Variants in FGFR2 observed in about 807,000 individuals in gnomAD.
FGFR2 encodes the protein fibroblast growth factor receptor 2.
Under a neutral mutation model 95.9 loss-of-function variants are expected in FGFR2, and 19 were observed. The observed-to-expected ratio is 0.20, with a 90% CI of 0.14 to 0.29. The LOEUF is 0.29. Among genes scored for constraint, FGFR2 ranks in the 10% least tolerant of loss-of-function variants. FGFR2 has a pLI of 1.00. For synonymous variants in FGFR2, 392 were observed against 393.3 expected (o/e 1.00, Z 0.04); for missense variants, 707 against 1,056.9 (o/e 0.67, Z 4.59).
intron 5 of FGFR2, among the ~76,000 whole-genome samples, 177 bp downstream of exon 5, chr10:121,551,113 G>A (rs780916594): frequency 1.2e-4 from 18 of 151,992 alleles, no homozygotes; most frequent in Admixed American, 6.6e-4. Flanking sequence ...CCAGCTACTC[G>A]GGAGGCTGAG....
At chr10:121,523,838 CTCTT>C (rs1850908028) in intron 6 of FGFR2, among the ~76,000 whole-genome samples, 1 of 152,200 alleles carries the variant, frequency 6.6e-6, no homozygotes, top group Non-Finnish European at 1.5e-5. Flanking sequence ...AAACCAAGTC[CTCTT>C]TCTTAAACAT....
At chr10:121,533,384 T>C (rs1852356054) in intron 6 of FGFR2, among the ~76,000 whole-genome samples, 1 of 152,102 alleles carries the variant, frequency 6.6e-6, no homozygotes, top group East Asian at 1.9e-4. Context: ...AGCAAGACTC[T>C]GTCTCAAAAA....
At chr10:121,484,802 G>A (rs939598748) in intron 16 of FGFR2, among the ~76,000 whole-genome samples, 4 of 152,180 alleles carry the variant, frequency 2.6e-5, no homozygotes, top group African/African-American at 9.6e-5. Flanking sequence ...TTAATTCTCT[G>A]CACTAAAACA....
At chr10:121,498,430 A>C in intron 12 of FGFR2, 65 bp downstream of exon 12, 1 of 1,100,116 alleles carries the variant, frequency 9.1e-7, no homozygotes, top group Non-Finnish European at 1.4e-6. Flanking sequence ...AAGCCCAGCC[A>C]TTTCTAAAAT....
At chr10:121,540,071 A>G (rs1440222196) in intron 5 of FGFR2, among the ~76,000 whole-genome samples, 2 of 152,224 alleles carry the variant, frequency 1.3e-5, no homozygotes, top group African/African-American at 2.4e-5. Flanking sequence ...CTCATCACTG[A>G]CAGTCTTAGA....
chr10:121,498,424 C>T (rs950510542), intron 12 of FGFR2, 71 bp downstream of exon 12: 1 of 1,042,540 alleles, frequency 9.6e-7, no homozygotes, highest in East Asian at 2.4e-5. Flanking sequence ...ATCTGGAAGC[C>T]CAGCCATTTC....
intron 5 of FGFR2, 27 bp from the exon 6 acceptor site, chr10:121,538,742 A>AT (rs1255438984): frequency 6.2e-7 from 1 of 1,614,172 alleles, no homozygotes; most frequent in Non-Finnish European, 8.5e-7. Context: ...AAAGGCGGTT[A>AT]TTTAACAATC....
intron 7 of FGFR2, 38 bp downstream of exon 7, chr10:121,519,941 C>G: frequency 6.2e-7 from 1 of 1,606,288 alleles, no homozygotes; most frequent in Non-Finnish European, 8.5e-7. Flanking sequence ...TGAAGGAGAC[C>G]CCAGTTGTGG....
At chr10:121,516,934 C>T (rs1849766336) in intron 8 of FGFR2, among the ~76,000 whole-genome samples, 1 of 152,062 alleles carries the variant, frequency 6.6e-6, no homozygotes, top group African/African-American at 2.4e-5. Context: ...GGGATGAAAG[C>T]AATAAAAACA....
At chr10:121,597,250 GA>G (rs988705784) in intron 1 of FGFR2, among the ~76,000 whole-genome samples, 1 of 152,132 alleles carries the variant, frequency 6.6e-6, no homozygotes, top group East Asian at 1.9e-4. Context: ...CCCCGTGGCC[GA>G]AAAAAATGAG....
intron 2 of FGFR2, among the ~76,000 whole-genome samples, chr10:121,569,472 G>A (rs545203242): frequency 1.4e-4 from 21 of 152,042 alleles, no homozygotes; most frequent in East Asian, 1.9e-4. Flanking sequence ...TGCCCGCCTC[G>A]GCCTCCCAAA....
At chr10:121,535,507 G>A (rs905841759) in intron 6 of FGFR2, among the ~76,000 whole-genome samples, 1 of 152,188 alleles carries the variant, frequency 6.6e-6, no homozygotes, top group East Asian at 1.9e-4. Context: ...TGGACACAAG[G>A]AAAGTGCAAT....
At chr10:121,535,454 CT>C (rs879884683) in intron 6 of FGFR2, among the ~76,000 whole-genome samples, 36 of 152,284 alleles carry the variant, frequency 2.4e-4, no homozygotes, top group Non-Finnish European at 4.6e-4. Flanking sequence ...GCATAAGCCG[CT>C]TTTTTTGTTC....
chr10:121,510,503 C>T (rs1004289356), intron 9 of FGFR2, among the ~76,000 whole-genome samples: 2 of 152,154 alleles, frequency 1.3e-5, no homozygotes, highest in Non-Finnish European at 2.9e-5. Flanking sequence ...ACCTGATTGA[C>T]CAAAATACAG....
rs1849512661 is a variant in FGFR2, at chr10:121,515,018, G to T, written c.1287+99C>A. 3 of 1,128,502 alleles carry T rather than the reference G, an allele frequency of 2.7e-6. No homozygotes were observed. The East Asian group carries it at 7.0e-5, about 26-fold the overall frequency. The allele number at this position is 1,128,502 out of a possible 1,614,324, so 69.9% of individuals were successfully genotyped here. On this transcript the variant is annotated intron_variant, in intron 9 of 17. Transcript: ENST00000358487. ...ACACCAGAATCACTCGCACATGGAA[G>T]CTCACAGAAGTCGATGGCATCAAAG...
At chr10:121,562,288 T>G (rs564910214) in intron 4 of FGFR2, among the ~76,000 whole-genome samples, 34 of 152,160 alleles carry the variant, frequency 2.2e-4, no homozygotes, top group Admixed American at 1.2e-3. Flanking sequence ...GAGTTTGTTT[T>G]TTTTTTTTTT....
At chr10:121,525,385 A>G (rs1851216637) in intron 6 of FGFR2, among the ~76,000 whole-genome samples, 1 of 152,172 alleles carries the variant, frequency 6.6e-6, no homozygotes, top group Non-Finnish European at 1.5e-5. Context: ...AACGCGTAGT[A>G]AACACAGGCT....
chr10:121,548,522 A>AT (rs1374273972), intron 5 of FGFR2, among the ~76,000 whole-genome samples: 1 of 151,926 alleles, frequency 6.6e-6, no homozygotes, highest in Admixed American at 6.6e-5. Flanking sequence ...ATCAGGCAGC[A>AT]TTTTCTCATT....
At chr10:121,482,257 C>T in intron 17 of FGFR2, 2 of 1,402,782 alleles carry the variant, frequency 1.4e-6, no homozygotes, top group African/African-American at 1.4e-5. Flanking sequence ...ACAATTTTGG[C>T]AGAAGAAGAA....
Sources: gnomAD v4.1 joint callset for allele counts (sites outside exome capture counted in the v4.1 genomes callset) on GRCh38, gnomAD v4.1.1 for gene constraint, MANE v1.5 for transcripts, NCBI Gene and HGNC (gene_info 2026-07-23, HGNC 2026-07-21) for gene names.